ADGRG2: variants seen among roughly 807,000 people sequenced by gnomAD.
The protein encoded by ADGRG2 is G protein-coupled receptor 64.
A neutral mutation model predicts 74.1 loss-of-function variants in ADGRG2; 26 were observed. That is an observed-to-expected ratio of 0.35 (90% CI 0.26 to 0.49). The LOEUF is 0.49. Among genes scored for constraint, ADGRG2 ranks in the 20% least tolerant of loss-of-function variants. The pLI, the probability that ADGRG2 is intolerant of heterozygous loss-of-function variation, is 0.99. For missense variants in ADGRG2, 619 were observed against 763.1 expected (o/e 0.81, Z 2.22); for synonymous variants, 296 against 295.2 (o/e 1.00, Z -0.03).
At chrX:19,094,343 T>C (rs1488760299) in intron 1 of ADGRG2, among the ~76,000 whole-genome samples, 3 of 110,799 alleles carry the variant, frequency 2.7e-5, no homozygotes, top group South Asian at 3.9e-4. Context: ...AAAGCTGCAA[T>C]TGTACCTCCT....
intron 7 of ADGRG2, chrX:19,034,971 G>A (rs984285114): frequency 9.0e-6 from 1 of 111,676 alleles, no homozygotes; most frequent in Non-Finnish European, 1.9e-5. Context: ...TATTTTGTTT[G>A]CCCTGATAGT....
intron 14 of ADGRG2, among the ~76,000 whole-genome samples, chrX:19,020,636 T>C (rs1305792855): frequency 1.8e-5 from 2 of 111,233 alleles, no homozygotes; most frequent in Non-Finnish European, 3.8e-5. Flanking sequence ...AAAACTTTAT[T>C]AGCAAGCAGG....
chrX:18,995,052 C>A lies in ADGRG2; in HGVS notation c.2717-4G>T, dbSNP rs1601836423. The A allele has an allele frequency of 3.4e-6, 4 of 1,183,739 alleles. 1 individual carries two copies. Among genetic ancestry groups the A allele is most frequent in the Non-Finnish European group, 1.1e-6 (1 of 876,854 alleles). ...TTAGTAGCAGTTTTACTCCAGTCTA[C>A]AGCAGAATAAGCATTACAGAAAAAC... On this transcript the variant is annotated splice_region_variant and splice_polypyrimidine_tract_variant and intron_variant, in intron 27 of 28. Coordinates refer to ENST00000379869, the MANE Select transcript of ADGRG2 (RefSeq NM_001079858.3).
At chrX:19,081,049 C>G (rs928275501) in intron 2 of ADGRG2, among the ~76,000 whole-genome samples, 1 of 110,810 alleles carries the variant, frequency 9.0e-6, no homozygotes, top group Non-Finnish European at 1.9e-5. Flanking sequence ...CCCTCGATAG[C>G]TTAATAGCCA....
At chrX:19,066,712 C>T (rs1363742425) in intron 3 of ADGRG2, among the ~76,000 whole-genome samples, 2 of 110,547 alleles carry the variant, frequency 1.8e-5, no homozygotes, top group African/African-American at 6.6e-5. Flanking sequence ...GATCCTCCCT[C>T]CTCAGCCTCC....
rs1355917021 is a variant in ADGRG2 at position 19,049,206 on chromosome X, C to T, written c.119-8982G>A. Among the ~76,000 whole-genome samples the T allele has an allele frequency of 9.8e-5, 11 of 112,133 alleles. 1 individual carries two copies. The highest frequency in any genetic ancestry group is 9.4e-4 in the Admixed American group (10 of 10,602). ...ACATTTTACTGAAATGTCACCTTCT[C>T]CGAGAGGCTGTTCCAGACCAGTCTA... On this transcript the variant is annotated intron_variant, in intron 3 of 28. Transcript: ENST00000379869.
intron 2 of ADGRG2, among the ~76,000 whole-genome samples, chrX:19,071,764 A>C (rs777376901): frequency 9.0e-6 from 1 of 110,855 alleles, no homozygotes; most frequent in African/African-American, 3.3e-5. Context: ...AGTTTCAATA[A>C]AAAGTTTAAA....
chrX:19,039,228 A>G (rs965647553), intron 4 of ADGRG2: 3 of 329,412 alleles, frequency 9.1e-6, no homozygotes, highest in African/African-American at 2.7e-5. Context: ...CTGGCTCCAG[A>G]GAATGTGTGA....
chrX:19,090,857 T>C (rs2146991781), intron 1 of ADGRG2, among the ~76,000 whole-genome samples: 1 of 111,299 alleles, frequency 9.0e-6, no homozygotes, highest in East Asian at 2.8e-4. Context: ...AGAGATATGA[T>C]ACAAAAATTC....
At chrX:19,113,215 T>TA (rs1441420745) in intron 1 of ADGRG2, among the ~76,000 whole-genome samples, 16 of 109,448 alleles carry the variant, frequency 1.5e-4, no homozygotes, top group Non-Finnish European at 2.7e-4. Flanking sequence ...CCATGTCTAC[T>TA]AAAAATACAA....
chrX:19,094,396 A>G (rs1484556369), intron 1 of ADGRG2, among the ~76,000 whole-genome samples: 2 of 110,580 alleles, frequency 1.8e-5, no homozygotes, highest in Admixed American at 9.6e-5. Context: ...TTGGGTGGTG[A>G]ACAGGGATAC....
intron 3 of ADGRG2, among the ~76,000 whole-genome samples, chrX:19,065,210 C>T (rs1410351301): frequency 1.1e-5 from 1 of 88,463 alleles, no homozygotes; most frequent in African/African-American, 4.6e-5. Context: ...GTTGAGACTG[C>T]AGTGAGCTGA....
chrX:19,108,019 C>T (rs2062342640), intron 1 of ADGRG2, among the ~76,000 whole-genome samples: 1 of 103,298 alleles, frequency 9.7e-6, no homozygotes, highest in African/African-American at 3.5e-5. Context: ...AGAATCGCTC[C>T]GGGAGGTGAC....
At chrX:19,099,064 A>T (rs2062145681) in intron 1 of ADGRG2, among the ~76,000 whole-genome samples, 1 of 111,765 alleles carries the variant, frequency 8.9e-6, no homozygotes, top group African/African-American at 3.3e-5. Flanking sequence ...GGCGCCTGTA[A>T]TCCCAGCTTC....
In ADGRG2 at chrX:18,990,581, C is replaced by A. The variant is rs2059905084; in HGVS notation, c.*283G>T. On this transcript the variant is annotated 3_prime_UTR_variant, in exon 29 of 29. Coordinates refer to ENST00000379869, the MANE Select transcript of ADGRG2 (RefSeq NM_001079858.3). ...TTAAAAGGTAGCTGAAAGTTCACTA[C>A]CTTTTTTTGTTTTCTTTATAGGAGT... is the stretch of plus-strand genomic sequence containing the variant. 5.5e-6 allele frequency: 1 copy of A among 180,979 alleles called. No individual in the cohort carries two copies. Among genetic ancestry groups the A allele is most frequent in the Non-Finnish European group, 1.0e-5 (1 of 98,457 alleles). 14.9% of individuals were successfully genotyped at this position (180,979 alleles called of 1,213,427 possible).
At chrX:19,068,873 G>T in intron 2 of ADGRG2, 38 bp from the exon 3 acceptor site, 2 of 670,233 alleles carry the variant, frequency 3.0e-6, no homozygotes, top group Middle Eastern at 3.1e-4. Context: ...CATCACAGCT[G>T]CCATAATCAC....
At chrX:19,027,801 A>G (rs2060737598) in intron 10 of ADGRG2, among the ~76,000 whole-genome samples, 1 of 112,288 alleles carries the variant, frequency 8.9e-6, no homozygotes, top group South Asian at 3.7e-4. Flanking sequence ...GAAGGCTGAT[A>G]CCACTGCATC....
chrX:19,070,961 T>C (rs2061644638), intron 2 of ADGRG2, among the ~76,000 whole-genome samples: 2 of 110,882 alleles, frequency 1.8e-5, no homozygotes. Context: ...AAATGTTAGC[T>C]GTGCTCTTCA....
chrX:19,035,530 TAA>T (rs1263446749), intron 7 of ADGRG2: 1 of 113,681 alleles, frequency 8.8e-6, no homozygotes, highest in African/African-American at 3.2e-5. Context: ...GCAAAGGATA[TAA>T]GAGTATATGT....
Sources: gnomAD v4.1 joint callset for allele counts (sites outside exome capture counted in the v4.1 genomes callset) on GRCh38, gnomAD v4.1.1 for gene constraint, MANE v1.5 for transcripts, NCBI Gene and HGNC (gene_info 2026-07-23, HGNC 2026-07-21) for gene names.